The following LTN1 variants were observed in gnomAD, a reference collection of about 807,000 sequenced individuals.
LTN1 encodes the protein listerin E3 ubiquitin protein ligase 1, also known as E3 ubiquitin-protein ligase listerin.
In LTN1, 88 loss-of-function variants were observed where a neutral mutation model predicts 201.2. The observed-to-expected ratio is 0.44, with a 90% CI of 0.37 to 0.52. The LOEUF (loss-of-function observed/expected upper bound fraction) is 0.52. LTN1 is among the 20% of genes least tolerant of loss of function. LTN1 has a pLI of 0.00. For synonymous variants in LTN1, 645 were observed against 713.5 expected (o/e 0.90, Z 1.53); for missense variants, 1,752 against 2,038.7 (o/e 0.86, Z 2.71).
chr21:28,982,216 C>CAAAA, intron 5 of LTN1, 100 bp downstream of exon 5: 1 of 913,016 alleles, frequency 1.1e-6, no homozygotes, highest in Non-Finnish European at 1.6e-6. Flanking sequence ...GACTCTGTCT[C>CAAAA]AAAAAAAAAA....
At chr21:28,938,882 T>C (rs934938722) in intron 25 of LTN1, among the ~76,000 whole-genome samples, 1 of 152,174 alleles carries the variant, frequency 6.6e-6, no homozygotes, top group African/African-American at 2.4e-5. Context: ...GAACACAGTT[T>C]AATGGCTGTC....
chr21:28,969,184 G>A (rs1341930431), intron 9 of LTN1, among the ~76,000 whole-genome samples: 2 of 151,568 alleles, frequency 1.3e-5, no homozygotes, highest in Non-Finnish European at 2.9e-5. Flanking sequence ...TTGCGTCATT[G>A]TACTCCAGCC....
chr21:28,948,220 T>C (rs1465117010), intron 18 of LTN1, among the ~76,000 whole-genome samples: 7 of 149,954 alleles, frequency 4.7e-5, no homozygotes, highest in African/African-American at 1.7e-4. Context: ...ATAGAGTCAA[T>C]TGATTCAACT....
chr21:28,966,466 C>T lies in LTN1; in HGVS notation c.2025G>A (p.Arg675=). 1 of 1,614,174 alleles carries T rather than the reference C, an allele frequency of 6.2e-7. No homozygotes were observed. The highest frequency in any genetic ancestry group is 8.5e-7 in the Non-Finnish European group (1 of 1,180,028). Residue 675 remains arginine (R), a synonymous_variant, in exon 10 of 30, where the codon AGG becomes AGA. Coordinates refer to ENST00000361371, the MANE Select transcript of LTN1 (RefSeq NM_015565.3). The part of the protein sequence containing the change: ...KLIGWLNEDQ[R]KDFGFLVDIL... Reference sequence around the variant, plus strand: ...TGTCCACCAGGAAACCAAAATCCTTCCTTTGATCTTCATTTAGCCAACCTA... The same window carrying T: ...TGTCCACCAGGAAACCAAAATCCTTTCTTTGATCTTCATTTAGCCAACCTA...
Position 28,966,532 on chromosome 21 carries a change from T to C in LTN1, c.1959A>G (p.Val653=). The C allele has an allele frequency of 6.2e-7, 1 of 1,614,158 alleles. No individual in the cohort carries two copies. The highest frequency in any genetic ancestry group is 8.5e-7 in the Non-Finnish European group (1 of 1,180,026). ...QAKPLEIAKL[V]QKNPAVQFLY... ...AAAACTGCACCGCAGGATTTTTTTG[T>C]ACAAGCTTGGCTATTTCAAGAGGTT... Residue 653 remains valine (V), a synonymous_variant, in exon 10 of 30, where the codon GTA becomes GTG. Transcript: ENST00000361371.
At chr21:28,934,717 A>G (rs1378438657) in intron 27 of LTN1, among the ~76,000 whole-genome samples, 1 of 152,180 alleles carries the variant, frequency 6.6e-6, no homozygotes, top group Non-Finnish European at 1.5e-5. Flanking sequence ...TCGGCCTCCC[A>G]AAATGCTGGG....
chr21:28,935,560 G>A (rs913360707), intron 26 of LTN1, among the ~76,000 whole-genome samples: 2 of 151,934 alleles, frequency 1.3e-5, no homozygotes, highest in Non-Finnish European at 2.9e-5. Flanking sequence ...TGAAAATCCC[G>A]CCGGGCGCAG....
intron 18 of LTN1, among the ~76,000 whole-genome samples, chr21:28,949,527 G>A (rs940766146): frequency 2.0e-5 from 3 of 151,956 alleles, no homozygotes; most frequent in Non-Finnish European, 4.4e-5. Context: ...CTCGGCCCCA[G>A]GCAACCACCT....
Position 28,966,777 on chromosome 21 carries a change from G to T in LTN1, c.1714C>A (p.Pro572Thr). ...KIEGWELTTE[P>T]SLTHNSSGLL... The stretch of plus-strand genomic sequence containing the variant: ...CCTGAAGAATTATGAGTGAGAGAAG[G>T]TTCAGTTGTTAATTCCCAGCCTTCA... The change falls in exon 10 of 30, where the codon CCT becomes ACT. Residue 572 changes from proline (P) to threonine (T), a missense_variant. Physicochemically the swap from Pro to Thr is conservative, Grantham distance 38 (BLOSUM62 -1). Coordinates refer to ENST00000361371, the MANE Select transcript of LTN1 (RefSeq NM_015565.3). 6 of 1,613,782 alleles carry T rather than the reference G, an allele frequency of 3.7e-6. No homozygotes were observed. The highest frequency in any genetic ancestry group is 4.2e-6 in the Non-Finnish European group (5 of 1,179,916).
chr21:28,988,141 CAA>C (rs1271726378), intron 1 of LTN1, among the ~76,000 whole-genome samples: 6 of 77,950 alleles, frequency 7.7e-5, no homozygotes, highest in Non-Finnish European at 9.3e-5. Context: ...GACTCTGTCT[CAA>C]AAAAAAAAAA....
intron 6 of LTN1, among the ~76,000 whole-genome samples, chr21:28,972,709 A>G (rs986877083): frequency 3.3e-5 from 5 of 152,222 alleles, no homozygotes; most frequent in Non-Finnish European, 5.9e-5. Context: ...TATCTATTTA[A>G]TCAGAATCCC....
intron 4 of LTN1, among the ~76,000 whole-genome samples, chr21:28,982,990 A>G (rs1258736145): frequency 6.6e-6 from 1 of 152,242 alleles, no homozygotes; most frequent in East Asian, 1.9e-4. Flanking sequence ...GAAGGCACAG[A>G]AACTTGCCCA....
intron 27 of LTN1, among the ~76,000 whole-genome samples, chr21:28,934,380 A>T (rs1341034056): frequency 3.3e-5 from 5 of 152,070 alleles, no homozygotes; most frequent in Admixed American, 2.0e-4. Context: ...GTAATCCCAA[A>T]TGTTGGAAGT....
chr21:28,954,570 A>T (rs1452496142), intron 16 of LTN1, among the ~76,000 whole-genome samples: 2 of 152,244 alleles, frequency 1.3e-5, no homozygotes, highest in Non-Finnish European at 2.9e-5. Context: ...TGGTATTTGT[A>T]TAAAAACAGA....
chr21:28,988,976 A>G (rs1178230878), intron 1 of LTN1, among the ~76,000 whole-genome samples: 1 of 151,966 alleles, frequency 6.6e-6, no homozygotes, highest in African/African-American at 2.4e-5. Flanking sequence ...AAAAAAAAAA[A>G]AGAAAAGAAT....
chr21:28,988,568 A>G (rs903525320), intron 1 of LTN1, among the ~76,000 whole-genome samples: 5 of 152,214 alleles, frequency 3.3e-5, no homozygotes, highest in African/African-American at 1.2e-4. Flanking sequence ...CTGAGTGAAC[A>G]GGAAAGAAAA....
intron 22 of LTN1, 117 bp downstream of exon 22, chr21:28,944,266 G>C: frequency 1.3e-6 from 1 of 754,594 alleles, no homozygotes; most frequent in Non-Finnish European, 2.2e-6. Context: ...TTCTCTTCTG[G>C]CTTTTTCTTT....
chr21:28,969,370 G>C (rs1367307026), intron 9 of LTN1, 96 bp downstream of exon 9: 20 of 1,009,322 alleles, frequency 2.0e-5, no homozygotes, highest in Non-Finnish European at 2.8e-5. Context: ...ATTTTTACAA[G>C]GAAGGCTTAT....
chr21:28,935,245 C>T lies in LTN1; in HGVS notation c.4739G>A (p.Arg1580Lys). Reference sequence around the variant, plus strand: ...CTTCTCACTGCTATTCCACCACAACCTAACCATGGCAGGCAAGTCTTTTAA... The same window carrying T: ...CTTCTCACTGCTATTCCACCACAACTTAACCATGGCAGGCAAGTCTTTTAA... The part of the protein sequence containing the change: ...MTLKDLPAMV[R>K]LWWNSSEKRV... Residue 1580 changes from arginine to lysine, a missense_variant, in exon 27 of 30, where the codon AGG becomes AAG. Transcript: ENST00000361371. The T allele has an allele frequency of 1.2e-6, 2 of 1,614,042 alleles. No individual in the cohort carries two copies. Among genetic ancestry groups the T allele is most frequent in the Non-Finnish European group, 1.7e-6 (2 of 1,179,896 alleles).
Sources: gnomAD v4.1 joint callset for allele counts (sites outside exome capture counted in the v4.1 genomes callset) on GRCh38, gnomAD v4.1.1 for gene constraint, MANE v1.5 for transcripts, NCBI Gene and HGNC (gene_info 2026-07-23, HGNC 2026-07-21) for gene names.